PTTG1: variants seen among roughly 807,000 people sequenced by gnomAD.
PTTG1 encodes the protein securin.
A neutral mutation model predicts 20.0 loss-of-function variants in PTTG1; 8 were observed. The ratio of observed to expected loss-of-function variants is 0.40; its 90% CI spans 0.23 to 0.72. The LOEUF (loss-of-function observed/expected upper bound fraction) is 0.72. Among genes scored for constraint, PTTG1 ranks in the 30% least tolerant of loss-of-function variants. The pLI, the probability that PTTG1 is intolerant of heterozygous loss-of-function variation, is 0.38. For synonymous variants in PTTG1, 79 were observed against 87.2 expected (o/e 0.91, Z 0.52); for missense variants, 197 against 236.0 (o/e 0.83, Z 1.08).
intron 4 of PTTG1, among the ~76,000 whole-genome samples, chr5:160,425,969 C>T (rs1765801014): frequency 6.6e-6 from 1 of 152,122 alleles, no homozygotes; most frequent in South Asian, 2.1e-4. Flanking sequence ...ACTTTTGTTA[C>T]TGTACAGAAA....
intron 3 of PTTG1, among the ~76,000 whole-genome samples, 194 bp from the exon 4 acceptor site, chr5:160,424,043 T>G (rs1017201516): frequency 6.6e-6 from 1 of 152,230 alleles, no homozygotes; most frequent in Admixed American, 6.5e-5. Flanking sequence ...GGTACTTAAA[T>G]TTCAGATTTT....
At chr5:160,424,672 A>G (rs2113210547) in intron 4 of PTTG1, 1 of 178,140 alleles carries the variant, frequency 5.6e-6, no homozygotes, top group East Asian at 1.5e-4. Flanking sequence ...AAGTTGAGCA[A>G]TGCCTGAGAG....
chr5:160,423,492 AAAC>A (rs1177390371), intron 3 of PTTG1, among the ~76,000 whole-genome samples: 1 of 152,240 alleles, frequency 6.6e-6, no homozygotes, highest in Non-Finnish European at 1.5e-5. Flanking sequence ...TTGCATTAGG[AAAC>A]AACTAGTGAA....
chr5:160,426,522 A>G (rs890871046), intron 4 of PTTG1, among the ~76,000 whole-genome samples: 5 of 152,208 alleles, frequency 3.3e-5, no homozygotes, highest in Non-Finnish European at 7.4e-5. Flanking sequence ...AGCATTTTGT[A>G]TCTTGACAGT....
At chr5:160,424,202 C>T (rs756507142) in intron 3 of PTTG1, 35 bp from the exon 4 acceptor site, 1 of 1,470,152 alleles carries the variant, frequency 6.8e-7, no homozygotes, top group Non-Finnish European at 9.4e-7. Flanking sequence ...AAGACTTCCA[C>T]TGTCACTAAC....
intron 4 of PTTG1, 169 bp downstream of exon 4, chr5:160,424,499 A>G (rs889842336): frequency 7.0e-6 from 4 of 572,704 alleles, no homozygotes; most frequent in East Asian, 3.0e-5. Context: ...TTTGCAAGGT[A>G]TCATCTTAGG....
chr5:160,423,082 AGATGC>A, intron 3 of PTTG1, 189 bp downstream of exon 3: 2 of 639,336 alleles, frequency 3.1e-6, no homozygotes, highest in Non-Finnish European at 5.3e-6. Context: ...TGGAAATCTC[AGATGC>A]AGCTAATGCA....
chr5:160,428,343 G>A (rs949087937), intron 5 of PTTG1, among the ~76,000 whole-genome samples: 1 of 152,138 alleles, frequency 6.6e-6, no homozygotes, highest in African/African-American at 2.4e-5. Flanking sequence ...GTCCTAATAA[G>A]TTACATTAGT....
intron 5 of PTTG1, among the ~76,000 whole-genome samples, 195 bp downstream of exon 5, chr5:160,428,068 G>C: frequency 6.6e-6 from 1 of 152,134 alleles, no homozygotes; most frequent in Non-Finnish European, 1.5e-5. Context: ...CAGTAAAATT[G>C]TTATTCTGGA....
intron 2 of PTTG1, 44 bp downstream of exon 2, chr5:160,422,447 G>C: frequency 1.3e-6 from 2 of 1,530,422 alleles, no homozygotes; most frequent in Non-Finnish European, 1.8e-6. Context: ...TATTGTGGAC[G>C]TGGCCTGGAG....
chr5:160,425,143 G>A (rs1218162287), intron 4 of PTTG1, among the ~76,000 whole-genome samples: 1 of 152,216 alleles, frequency 6.6e-6, no homozygotes, highest in Non-Finnish European at 1.5e-5. Flanking sequence ...TTTAGCCAAA[G>A]AGGTCATGTA....
intron 4 of PTTG1, among the ~76,000 whole-genome samples, chr5:160,427,041 C>CA (rs35735664): frequency 0.081 from 12,068 of 149,280 alleles, 530 homozygotes; most frequent in East Asian, 0.18. Flanking sequence ...GACTCTGTCT[C>CA]AAAAAAAAAA....
chr5:160,422,583 T>C (rs903218861), intron 2 of PTTG1, 126 bp from the exon 3 acceptor site: 14 of 1,098,076 alleles, frequency 1.3e-5, no homozygotes, highest in Admixed American at 3.8e-5. Flanking sequence ...AGGCCTATCA[T>C]AGCCATGCCA....
chr5:160,426,892 AATT>A (rs1765818552), intron 4 of PTTG1, among the ~76,000 whole-genome samples: 1 of 152,024 alleles, frequency 6.6e-6, no homozygotes, highest in African/African-American at 2.4e-5. Flanking sequence ...AAAATACAAA[AATT>A]ATCCGGGTGT....
In PTTG1 at chr5:160,428,626, T is replaced by C. The variant is rs757155821; in HGVS notation, c.554T>C (p.Ile185Thr). 5.0e-6 allele frequency: 8 copies of C among 1,614,132 alleles called. 1 individual carries two copies. In the South Asian group the frequency reaches 8.8e-5, roughly 18 times the overall value. The change falls in exon 6 of 6, where the codon ATT becomes ACT. Residue 185 changes from isoleucine (I) to threonine (T), a missense_variant. Coordinates refer to ENST00000352433, the MANE Select transcript of PTTG1 (RefSeq NM_004219.4). ...ESNLLQSPSS[I>T]LSTLDVELPP... The stretch of plus-strand genomic sequence containing the variant: ...GATCTGTTGCAGTCTCCTTCAAGCA[T>C]TCTGTCGACCCTGGATGTTGAATTG...
At position 160,427,767 on chromosome 5, in the gene PTTG1, G is replaced by T. The variant is rs777820619; in HGVS notation, c.423G>T (p.Leu141Phe). 3 of 1,614,154 alleles carry T rather than the reference G, an allele frequency of 1.9e-6. No individual in the cohort carries two copies. The highest frequency in any genetic ancestry group is 2.5e-6 in the Non-Finnish European group (3 of 1,180,026). ...PEEHQIAHLP[L>F]SGVPLMILDE... ...AGCACCAGATTGCGCACCTCCCCTT[G>T]AGTGGAGTGCCTCTCATGATCCTTG... Residue 141 changes from leucine to phenylalanine, a missense_variant, in exon 5 of 6, where the codon TTG becomes TTT. Coordinates refer to ENST00000352433, the MANE Select transcript of PTTG1 (RefSeq NM_004219.4).
Position 160,423,915 on chromosome 5 carries a change from T to A in PTTG1, c.277-322T>A, listed in dbSNP as rs55968810. 8.3e-3 allele frequency among the ~76,000 whole-genome samples: 1,258 copies of A among 152,356 alleles called. 18 individuals are homozygous for A. Among genetic ancestry groups the A allele is most frequent in the African/African-American group, 0.028 (1,175 of 41,584 alleles). On this transcript the variant is annotated intron_variant, in intron 3 of 5. Coordinates refer to ENST00000352433, the MANE Select transcript of PTTG1 (RefSeq NM_004219.4). ...CACTCCTATAAGCCAAAAATGGCTT[T>A]GATGATTAGCTACTATCCTGGGTGA...
At chr5:160,422,627 A>G (rs769472754) in intron 2 of PTTG1, 82 bp from the exon 3 acceptor site, 2 of 1,515,558 alleles carry the variant, frequency 1.3e-6, no homozygotes, top group Non-Finnish European at 1.8e-6. Flanking sequence ...TGGGGGTGAG[A>G]GGTCAAGTTT....
rs948677869 is a variant in PTTG1 at position 160,424,167 on chromosome 5, C to T, written c.277-70C>T. ...TTCTTAGAAGGCAGCATGAAATTGA[C>T]AAATTTAAAAACTAATCAGCTAATA... On this transcript the variant is annotated intron_variant, in intron 3 of 5. Transcript: ENST00000352433. 4 of 1,169,952 alleles carry T rather than the reference C, an allele frequency of 3.4e-6. No homozygotes were observed. In the African/African-American group the frequency reaches 6.3e-5, roughly 18 times the overall value. 72.5% of individuals were successfully genotyped at this position (1,169,952 alleles called of 1,614,324 possible). A position where few individuals can be genotyped will look rare whatever the true frequency, so the allele number is the denominator to read the frequency against.
Sources: gnomAD v4.1 joint callset for allele counts (sites outside exome capture counted in the v4.1 genomes callset) on GRCh38, gnomAD v4.1.1 for gene constraint, MANE v1.5 for transcripts, NCBI Gene and HGNC (gene_info 2026-07-23, HGNC 2026-07-21) for gene names.